DIAPH2: variants seen among roughly 807,000 people sequenced by gnomAD.
DIAPH2 encodes the protein protein diaphanous homolog 2.
A neutral mutation model predicts 92.7 loss-of-function variants in DIAPH2; 35 were observed. That is an observed-to-expected ratio of 0.38 (90% CI 0.29 to 0.50). The LOEUF (loss-of-function observed/expected upper bound fraction) is 0.50, where lower values mean the gene tolerates loss of function less well. Among genes scored for constraint, DIAPH2 ranks in the 20% least tolerant of loss-of-function variants. DIAPH2 has a pLI of 0.94. For synonymous variants in DIAPH2, 301 were observed against 280.4 expected, an observed-to-expected ratio of 1.07 and a Z score of -0.73; for missense variants, 701 against 819.5, an observed-to-expected ratio of 0.86 and a Z score of 1.77.
At chrX:97,240,876 A>G (rs2068088182) in intron 22 of DIAPH2, among the ~76,000 whole-genome samples, 2 of 111,611 alleles carry the variant, frequency 1.8e-5, no homozygotes, top group African/African-American at 6.5e-5. Flanking sequence ...AGATATTATC[A>G]TCATCATTTT....
rs2066561350 is a variant in DIAPH2, at chrX:97,056,980, A to G, written c.2051-15961A>G. Among the ~76,000 whole-genome samples the G allele has an allele frequency of 5.4e-5, 6 of 111,864 alleles. No homozygotes were observed. In the South Asian group the frequency reaches 2.2e-3, roughly 42 times the overall value. On this transcript the variant is annotated intron_variant, in intron 17 of 26. Transcript: ENST00000324765. ...GAAGCTTTTGTATGGTAAAAATGGGATCCTATCTTGAAGAGTTATTATGAT... is the reference window on the plus strand; with the variant it reads ...GAAGCTTTTGTATGGTAAAAATGGGGTCCTATCTTGAAGAGTTATTATGAT...
At chrX:96,713,435 C>T (rs1341823203) in intron 1 of DIAPH2, among the ~76,000 whole-genome samples, 3 of 111,273 alleles carry the variant, frequency 2.7e-5, no homozygotes, top group Non-Finnish European at 3.8e-5. Flanking sequence ...AGGTTACCTG[C>T]TATTGACATC....
chrX:97,005,908 CTTTTT>C (rs58056111), intron 17 of DIAPH2, among the ~76,000 whole-genome samples: 3 of 68,165 alleles, frequency 4.4e-5, no homozygotes, highest in Admixed American at 1.7e-4. Flanking sequence ...TGAAGTTTTT[CTTTTT>C]TTTTTTTTTT....
intron 23 of DIAPH2, among the ~76,000 whole-genome samples, chrX:97,287,946 C>CT (rs1264445581): frequency 2.7e-5 from 1 of 36,520 alleles, no homozygotes; most frequent in Admixed American, 5.2e-4. Context: ...GAGTGAGACT[C>CT]TGTCTCAAAA....
chrX:96,797,838 G>A (rs183423207), intron 4 of DIAPH2, among the ~76,000 whole-genome samples: 145 of 112,535 alleles, frequency 1.3e-3, no homozygotes, highest in Non-Finnish European at 2.2e-3. Flanking sequence ...CTTTCTGACT[G>A]CTATTAATAT....
intron 23 of DIAPH2, among the ~76,000 whole-genome samples, chrX:97,267,818 C>T (rs775673371): frequency 2.7e-5 from 3 of 111,399 alleles, no homozygotes; most frequent in Non-Finnish European, 3.8e-5. Flanking sequence ...CATTGATTTC[C>T]TTTTGTAGAA....
intron 25 of DIAPH2, among the ~76,000 whole-genome samples, chrX:97,398,099 G>C (rs564694071): frequency 1.9e-3 from 213 of 112,138 alleles, no homozygotes; most frequent in African/African-American, 6.7e-3. Flanking sequence ...ACTTCAGCAT[G>C]GTATATGAAA....
At chrX:97,436,884 G>A (rs2070192692) in intron 26 of DIAPH2, among the ~76,000 whole-genome samples, 1 of 112,079 alleles carries the variant, frequency 8.9e-6, no homozygotes, top group Admixed American at 9.5e-5. Context: ...GACAAAGTAG[G>A]GGGGAAATGC....
At chrX:96,834,626 G>A (rs777555845) in intron 4 of DIAPH2, among the ~76,000 whole-genome samples, 5 of 111,512 alleles carry the variant, frequency 4.5e-5, no homozygotes, top group Non-Finnish European at 9.4e-5. Context: ...ACAGATGGAA[G>A]TCCTTGTTTA....
chrX:96,882,270 C>T (rs1239139576), intron 5 of DIAPH2, among the ~76,000 whole-genome samples: 3 of 110,055 alleles, frequency 2.7e-5, no homozygotes, highest in Admixed American at 9.7e-5. Context: ...AGGCTGGTCT[C>T]GAACTCTTGA....
intron 17 of DIAPH2, among the ~76,000 whole-genome samples, chrX:97,070,735 C>T (rs1414011548): frequency 9.0e-6 from 1 of 111,386 alleles, no homozygotes; most frequent in Non-Finnish European, 1.9e-5. Flanking sequence ...TATCACTTTT[C>T]GAACCCAGGA....
intron 17 of DIAPH2, among the ~76,000 whole-genome samples, chrX:96,981,309 TTAAA>T (rs746303903): frequency 8.9e-6 from 1 of 112,239 alleles, no homozygotes; most frequent in Non-Finnish European, 1.9e-5. Flanking sequence ...GTTGGCCCAC[TTAAA>T]TAAACAACTT....
intron 25 of DIAPH2, among the ~76,000 whole-genome samples, chrX:97,387,183 A>C (rs1053458377): frequency 9.0e-6 from 1 of 111,638 alleles, no homozygotes; most frequent in African/African-American, 3.3e-5. Context: ...AGAAGCAGAA[A>C]GAATGTATTA....
At chrX:96,830,346 T>C (rs944583289) in intron 4 of DIAPH2, among the ~76,000 whole-genome samples, 2 of 108,187 alleles carry the variant, frequency 1.8e-5, no homozygotes, top group Admixed American at 9.9e-5. Flanking sequence ...CCGAGGCGGG[T>C]GGATCACGAG....
intron 24 of DIAPH2, among the ~76,000 whole-genome samples, chrX:97,377,332 C>T (rs1030825456): frequency 8.9e-6 from 1 of 112,300 alleles, no homozygotes; most frequent in African/African-American, 3.2e-5. Flanking sequence ...GTGTATTGTA[C>T]ATCATTGTAT....
chrX:97,216,262 T>C (rs1046164330), intron 22 of DIAPH2, among the ~76,000 whole-genome samples: 5 of 111,916 alleles, frequency 4.5e-5, no homozygotes, highest in African/African-American at 1.6e-4. Flanking sequence ...TCATATGGAT[T>C]ATACGTAAAA....
chrX:97,170,601 A>G (rs1207334501), intron 22 of DIAPH2, among the ~76,000 whole-genome samples: 1 of 111,578 alleles, frequency 9.0e-6, no homozygotes, highest in Non-Finnish European at 1.9e-5. Flanking sequence ...GGTAATAAGA[A>G]GTATTTTCTT....
chrX:97,307,540 C>T lies in DIAPH2; in HGVS notation c.2845-40576C>T, dbSNP rs185091203. 1.6e-3 allele frequency among the ~76,000 whole-genome samples: 183 copies of T among 111,558 alleles called. 1 individual carries two copies. Among genetic ancestry groups the T allele is most frequent in the Non-Finnish European group, 2.9e-3 (154 of 53,164 alleles). On this transcript the variant is annotated intron_variant, in intron 23 of 26. Coordinates refer to ENST00000324765, the MANE Select transcript of DIAPH2 (RefSeq NM_006729.5). Reference sequence around the variant, plus strand: ...TTCATGATATTTACTAAGGTTTTATCGATTTCAGATTCAGTCTCAATATAA... The same window carrying T: ...TTCATGATATTTACTAAGGTTTTATTGATTTCAGATTCAGTCTCAATATAA...
At chrX:97,216,012 T>C (rs1028634714) in intron 22 of DIAPH2, among the ~76,000 whole-genome samples, 10 of 112,279 alleles carry the variant, frequency 8.9e-5, no homozygotes, top group African/African-American at 2.9e-4. Context: ...CAGAGACTTA[T>C]TCACCGGCCT....
Sources: gnomAD v4.1 joint callset for allele counts (sites outside exome capture counted in the v4.1 genomes callset) on GRCh38, gnomAD v4.1.1 for gene constraint, MANE v1.5 for transcripts, NCBI Gene and HGNC (gene_info 2026-07-23, HGNC 2026-07-21) for gene names.